The following DNMBP variants were observed in gnomAD, a reference collection of about 807,000 sequenced individuals.
The protein encoded by DNMBP is dynamin binding protein, also known as dynamin-binding protein.
Under a neutral mutation model 150.0 loss-of-function variants are expected in DNMBP, and 87 were observed. The observed-to-expected ratio is 0.58, with a 90% CI of 0.49 to 0.69. DNMBP has a LOEUF of 0.69. Among genes scored for constraint, DNMBP ranks in the 30% least tolerant of loss-of-function variants. The pLI is 0.00. For missense variants in DNMBP, 1,774 were observed against 1,949.0 expected (o/e 0.91, Z 1.69); for synonymous variants, 711 against 750.4 (o/e 0.95, Z 0.86).
chr10:99,985,341 T>G (rs1439664484), intron 1 of DNMBP, among the ~76,000 whole-genome samples: 6 of 152,086 alleles, frequency 3.9e-5, no homozygotes, highest in African/African-American at 4.8e-5. Context: ...ATAAAATGTA[T>G]ATATAATTTC....
intron 4 of DNMBP, among the ~76,000 whole-genome samples, chr10:99,915,676 C>T (rs2039958292): frequency 6.6e-6 from 1 of 152,082 alleles, no homozygotes; most frequent in Non-Finnish European, 1.5e-5. Flanking sequence ...GATAGCTCCA[C>T]TGCACACCAG....
In DNMBP at chr10:99,957,015, T is replaced by C. The variant is rs756094335; in HGVS notation, c.459A>G (p.Leu153=). The change falls in exon 4 of 17, where the codon CTA becomes CTG. Residue 153 remains leucine, a synonymous_variant. Transcript: ENST00000324109. ...PEYSMGQARA[L]MGLSAQLDEE... Reference sequence around the variant, plus strand: ...CATCCAGCTGAGCAGAAAGCCCCATTAGGGCCCGGGCTTGTCCCATGGAAT... The same window carrying C: ...CATCCAGCTGAGCAGAAAGCCCCATCAGGGCCCGGGCTTGTCCCATGGAAT... 4 of 1,614,006 alleles carry C rather than the reference T, an allele frequency of 2.5e-6. No homozygotes were observed. The highest frequency in any genetic ancestry group is 1.3e-5 in the African/African-American group (1 of 74,918).
rs1414204234 is a variant in DNMBP, at chr10:99,893,123, T to G, written c.3156+1823A>C. Among the ~76,000 whole-genome samples, 4 of 152,238 alleles carry G rather than the reference T, an allele frequency of 2.6e-5. No homozygotes were observed. In the East Asian group the frequency reaches 7.7e-4, roughly 29 times the overall value. On this transcript the variant is annotated intron_variant, in intron 11 of 16. Coordinates refer to ENST00000324109, the MANE Select transcript of DNMBP (RefSeq NM_015221.4). ...ATATTGAAATATTTTTTACCTCTCT[T>G]GCAGGCAAAGATAAAACCCACTGGT...
At chr10:99,910,938 G>T (rs1300654839) in intron 4 of DNMBP, among the ~76,000 whole-genome samples, 1 of 152,130 alleles carries the variant, frequency 6.6e-6, no homozygotes, top group Non-Finnish European at 1.5e-5. Context: ...AAATAATGGA[G>T]TCAGCAAATC....
intron 1 of DNMBP, among the ~76,000 whole-genome samples, chr10:99,993,166 T>A (rs2040915096): frequency 6.6e-6 from 1 of 152,206 alleles, no homozygotes; most frequent in Non-Finnish European, 1.5e-5. Flanking sequence ...TACACCAGTG[T>A]CAGCTATTAT....
chr10:99,978,490 T>C (rs2133362724), intron 1 of DNMBP, among the ~76,000 whole-genome samples: 1 of 152,360 alleles, frequency 6.6e-6, no homozygotes, highest in African/African-American at 2.4e-5. Flanking sequence ...ATTTTTTATT[T>C]TGATGCACTT....
chr10:99,951,752 T>C (rs1294305788), intron 4 of DNMBP, among the ~76,000 whole-genome samples: 1 of 152,230 alleles, frequency 6.6e-6, no homozygotes, highest in Non-Finnish European at 1.5e-5. Flanking sequence ...AGTAACTAAC[T>C]TGCTTTTGAT....
chr10:99,985,371 G>T (rs921917177), intron 1 of DNMBP, among the ~76,000 whole-genome samples: 27 of 152,146 alleles, frequency 1.8e-4, no homozygotes, highest in Non-Finnish European at 2.9e-4. Context: ...CAGAGAATAT[G>T]CCACAACACG....
chr10:99,895,796 A>G (rs1238716730), intron 10 of DNMBP, among the ~76,000 whole-genome samples: 1 of 152,190 alleles, frequency 6.6e-6, no homozygotes, highest in African/African-American at 2.4e-5. Flanking sequence ...AAACCTAACA[A>G]TGGACTATTT....
intron 7 of DNMBP, among the ~76,000 whole-genome samples, chr10:99,899,362 G>A (rs2039704987): frequency 6.6e-6 from 1 of 152,110 alleles, no homozygotes; most frequent in Non-Finnish European, 1.5e-5. Context: ...AGCACTTTGG[G>A]AGGCCGAGGC....
rs990575317 is a variant in DNMBP at position 99,888,746 on chromosome 10, G to A, written c.3285+79C>T. The A allele has an allele frequency of 1.5e-5, 23 of 1,558,444 alleles. No individual in the cohort carries two copies. The African/African-American group carries it at 1.5e-4, about 10-fold the overall frequency. On this transcript the variant is annotated intron_variant, in intron 12 of 16. Coordinates refer to ENST00000324109, the MANE Select transcript of DNMBP (RefSeq NM_015221.4). ...TGCCTGGTGCCCAGGGCCTGTGTCC[G>A]TGGAACTGACTTGCATGAGCTGATG...
At chr10:99,978,004 G>A (rs1429431929) in intron 1 of DNMBP, among the ~76,000 whole-genome samples, 7 of 152,078 alleles carry the variant, frequency 4.6e-5, no homozygotes, top group African/African-American at 1.7e-4. Flanking sequence ...TATGGCAGAC[G>A]GTACACTAAG....
chr10:99,956,648 A>G lies in DNMBP; in HGVS notation c.826T>C (p.Leu276=), dbSNP rs568736738. ...GATCCTTCCAGCCAGCCATCTTCCA[A>G]GGTCGCCAGAATTCGGATTTTATCC... ...VGDKIRILAT[L]EDGWLEGSLK... is the part of the protein sequence containing the mutation. Residue 276 remains leucine, a synonymous_variant, in exon 4 of 17, where the codon TTG becomes CTG. Transcript: ENST00000324109. 15 of 1,613,908 alleles carry G rather than the reference A, an allele frequency of 9.3e-6. No individual in the cohort carries two copies. The highest frequency in any genetic ancestry group is 5.0e-5 in the Admixed American group (3 of 59,992).
chr10:99,935,106 A>AAG (rs2040213081), intron 4 of DNMBP, among the ~76,000 whole-genome samples: 1 of 149,100 alleles, frequency 6.7e-6, no homozygotes, highest in Non-Finnish European at 1.5e-5. Context: ...AAAAAAAAAA[A>AAG]AAAAAAAGAA....
chr10:99,955,230 T>C lies in DNMBP; in HGVS notation c.2244A>G (p.Glu748=), dbSNP rs763884964. Residue 748 remains glutamate (E), a synonymous_variant, in exon 4 of 17, where the codon GAA becomes GAG. Coordinates refer to ENST00000324109, the MANE Select transcript of DNMBP (RefSeq NM_015221.4). ...GTCACTTACCTCTTAGTTGCTGGAG[T>C]TCCATATTCAAACTTTCAATGTTAC... ...CESNIESLNM[E]LQQLREMTLL... 3.1e-6 allele frequency: 5 copies of C among 1,612,682 alleles called. No homozygotes were observed. The African/African-American group carries it at 4.0e-5, about 13-fold the overall frequency.
At chr10:99,995,469 C>T (rs745549089) in intron 1 of DNMBP, among the ~76,000 whole-genome samples, 38 of 152,298 alleles carry the variant, frequency 2.5e-4, no homozygotes, top group Admixed American at 9.2e-4. Flanking sequence ...GAGCTAGTCC[C>T]GGCATACAAG....
rs932181398 is a variant in DNMBP, at chr10:99,910,171, A to G, written c.2261-1025T>C. ...TTAAGAAGCAAAAACACAAGTGTTC[A>G]AACTACTTAAGGAAAGTCGGCCTTC... On this transcript the variant is annotated intron_variant, in intron 4 of 16. Coordinates refer to ENST00000324109, the MANE Select transcript of DNMBP (RefSeq NM_015221.4). Among the ~76,000 whole-genome samples the G allele has an allele frequency of 5.2e-5, 8 of 152,388 alleles. No individual in the cohort carries two copies. In the East Asian group the frequency reaches 1.3e-3, roughly 26 times the overall value.
intron 4 of DNMBP, among the ~76,000 whole-genome samples, chr10:99,918,121 G>A (rs2039986814): frequency 6.6e-6 from 1 of 151,924 alleles, no homozygotes; most frequent in African/African-American, 2.4e-5. Context: ...GTCTGTACAC[G>A]TGCTCATCTT....
At chr10:100,000,942 G>A (rs1293051251) in intron 1 of DNMBP, among the ~76,000 whole-genome samples, 1 of 150,840 alleles carries the variant, frequency 6.6e-6, no homozygotes, top group Non-Finnish European at 1.5e-5. Flanking sequence ...GGACACTGGG[G>A]GAAAAAAGAG....
Sources: allele counts gnomAD v4.1 joint callset (sites outside exome capture counted in the v4.1 genomes callset), GRCh38; gene constraint gnomAD v4.1.1; transcripts MANE v1.5; gene names NCBI Gene and HGNC (gene_info 2026-07-23, HGNC 2026-07-21).